The following TRABD2A variants were observed in gnomAD, a reference collection of about 807,000 sequenced individuals.
The protein encoded by TRABD2A is metalloprotease TIKI1.
Under a neutral mutation model 45.6 loss-of-function variants are expected in TRABD2A, and 43 were observed. The ratio of observed to expected loss-of-function variants is 0.94; its 90% CI spans 0.74 to 1.22. The LOEUF is 1.22. Among genes scored for constraint, TRABD2A ranks in the 50% most tolerant of loss-of-function variants. TRABD2A has a pLI of 0.00. For synonymous variants in TRABD2A, 269 were observed against 265.0 expected, an observed-to-expected ratio of 1.02 and a Z score of -0.15; for missense variants, 642 against 652.4, an observed-to-expected ratio of 0.98 and a Z score of 0.17.
At chr2:84,869,835 C>A (rs753788283) in intron 2 of TRABD2A, among the ~76,000 whole-genome samples, 1 of 151,828 alleles carries the variant, frequency 6.6e-6, no homozygotes, top group Non-Finnish European at 1.5e-5. Context: ...AAAAAGTAGT[C>A]GGGCGTGGTA....
chr2:84,845,196 C>G (rs1681841350), intron 2 of TRABD2A, among the ~76,000 whole-genome samples: 3 of 152,010 alleles, frequency 2.0e-5, no homozygotes. Context: ...ACTAAAAATA[C>G]AAAAATTAGC....
chr2:84,824,272 C>T, intron 5 of TRABD2A, 68 bp from the exon 6 acceptor site: 1 of 1,579,692 alleles, frequency 6.3e-7, no homozygotes. Context: ...CCCCAGCTCT[C>T]TTACACCTCA....
chr2:84,862,817 G>T (rs556271537), intron 2 of TRABD2A, among the ~76,000 whole-genome samples: 1 of 152,130 alleles, frequency 6.6e-6, no homozygotes, highest in Non-Finnish European at 1.5e-5. Flanking sequence ...TGTGCCCAGG[G>T]GGAAGCAGAG....
Position 84,821,841 on chromosome 2 carries a change from G to C in TRABD2A, c.*76C>G. 3 of 1,407,220 alleles carry C rather than the reference G, an allele frequency of 2.1e-6. No individual in the cohort carries two copies. The highest frequency in any genetic ancestry group is 2.8e-6 in the Non-Finnish European group (3 of 1,066,520). The allele number at this position is 1,407,220 out of a possible 1,614,324, so 87.2% of individuals were successfully genotyped here. On this transcript the variant is annotated 3_prime_UTR_variant, in exon 7 of 7. Coordinates refer to ENST00000409520, the MANE Select transcript of TRABD2A (RefSeq NM_001277053.2). Reference sequence around the variant, plus strand: ...TTCTGGATTGGGCCCAACAAGGCTAGACCAGAATGTGGAGTACAGGAATGG... The same window carrying C: ...TTCTGGATTGGGCCCAACAAGGCTACACCAGAATGTGGAGTACAGGAATGG...
In TRABD2A at chr2:84,870,615, G is replaced by A. The variant is rs1559098622; in HGVS notation, c.279C>T (p.Pro93=). Residue 93 remains proline, a synonymous_variant, in exon 2 of 7, where the codon CCC becomes CCT. Coordinates refer to ENST00000409520, the MANE Select transcript of TRABD2A (RefSeq NM_001277053.2). Reference sequence around the variant, plus strand: ...AGCTGGTGAGAGCTGAGATGGTATAGGGGTCTGTGAGATCCAACTCAAAGT... The same window carrying A: ...AGCTGGTGAGAGCTGAGATGGTATAAGGGTCTGTGAGATCCAACTCAAAGT... ...IVYFELDLTD[P]YTISALTSCQ... The A allele has an allele frequency of 6.2e-7, 1 of 1,613,348 alleles. No individual in the cohort carries two copies. Among genetic ancestry groups the A allele is most frequent in the Non-Finnish European group, 8.5e-7 (1 of 1,179,630 alleles).
Position 84,880,998 on chromosome 2 carries a change from G to C in TRABD2A, c.42C>G (p.Leu14=). The C allele has an allele frequency of 6.2e-7, 1 of 1,605,980 alleles. No individual in the cohort carries two copies. The highest frequency in any genetic ancestry group is 1.1e-5 in the South Asian group (1 of 89,560). The stretch of plus-strand genomic sequence containing the variant: ...GCCGCGAAGCTGCGCCCGTGGGCAG[G>C]AGGCAGAGGGTCTGCAGCAGGAACC... The part of the protein sequence containing the change: ...WSWFLLQTLC[L]LPTGAASRRG... The change falls in exon 1 of 7, where the codon CTC becomes CTG. Residue 14 remains leucine, a synonymous_variant. Transcript: ENST00000409520.
At chr2:84,823,202 C>T (rs1419560593) in intron 6 of TRABD2A, among the ~76,000 whole-genome samples, 2 of 152,124 alleles carry the variant, frequency 1.3e-5, no homozygotes, top group Non-Finnish European at 2.9e-5. Context: ...AAGTAGTAAC[C>T]TCCAACACAC....
chr2:84,842,741 GA>G (rs1328165108), intron 2 of TRABD2A, among the ~76,000 whole-genome samples: 2 of 147,428 alleles, frequency 1.4e-5, no homozygotes, highest in African/African-American at 5.0e-5. Context: ...AAAAAAAAAA[GA>G]AAAGAAAAGA....
At chr2:84,843,466 G>A (rs1681777968) in intron 2 of TRABD2A, 1 of 152,238 alleles carries the variant, frequency 6.6e-6, no homozygotes, top group Non-Finnish European at 1.5e-5. Context: ...ATGGGCCAAG[G>A]TGGCACAGGC....
Position 84,839,226 on chromosome 2 carries a change from T to C in TRABD2A, c.914A>G (p.Asn305Ser), listed in dbSNP as rs1681623517. ...CTTCACCCGCTTCCCTATTCTCTCATTCCGCTTGTAGATCAGCTCCCGGCG... is the reference window on the plus strand; with the variant it reads ...CTTCACCCGCTTCCCTATTCTCTCACTCCGCTTGTAGATCAGCTCCCGGCG... Reference protein sequence around the residue: ...YLRRELIYKRNERIGKRVKAL... With the variant: ...YLRRELIYKRSERIGKRVKAL... The change falls in exon 4 of 7, where the codon AAT (asparagine) becomes AGT (serine). Residue 305 changes from asparagine (N) to serine (S), a missense_variant. By Grantham distance (46) the Asn-to-Ser change is conservative (BLOSUM62 1). Transcript: ENST00000409520. 3.7e-6 allele frequency: 6 copies of C among 1,613,924 alleles called. No individual in the cohort carries two copies. Among genetic ancestry groups the C allele is most frequent in the Non-Finnish European group, 5.1e-6 (6 of 1,179,874 alleles).
At chr2:84,835,868 G>A (rs1347458695) in intron 4 of TRABD2A, 3 of 152,218 alleles carry the variant, frequency 2.0e-5, no homozygotes, top group African/African-American at 7.2e-5. Flanking sequence ...GAGCCTTCAT[G>A]TCTTAATCAC....
In TRABD2A at chr2:84,823,832, G is replaced by A. The variant is rs534591854; in HGVS notation, c.1334+121C>T. ...ACAGAAAAAGGGTGCCTGGGGTCATGAGGAAAGGGAAAGGTTGCTCCATGA... is the reference window on the plus strand; with the variant it reads ...ACAGAAAAAGGGTGCCTGGGGTCATAAGGAAAGGGAAAGGTTGCTCCATGA... On this transcript the variant is annotated intron_variant, in intron 6 of 6. Coordinates refer to ENST00000409520, the MANE Select transcript of TRABD2A (RefSeq NM_001277053.2). 43 of 1,379,622 alleles carry A rather than the reference G, an allele frequency of 3.1e-5. No homozygotes were observed. In the African/African-American group the frequency reaches 5.4e-4, roughly 17 times the overall value. The allele number at this position is 1,379,622 out of a possible 1,614,324, so 85.5% of individuals were successfully genotyped here. A position where few individuals can be genotyped will look rare whatever the true frequency, so the allele number is the denominator to read the frequency against.
At position 84,880,976 on chromosome 2, in the gene TRABD2A, G is replaced by T. The variant is rs1326163120; in HGVS notation, c.64C>A (p.Arg22=). 6.2e-6 allele frequency: 10 copies of T among 1,603,248 alleles called. No homozygotes were observed. The highest frequency in any genetic ancestry group is 8.5e-6 in the Non-Finnish European group (10 of 1,175,744). The stretch of plus-strand genomic sequence containing the variant: ...TTGGCGGTGCCGGGCGCCCCGCGCC[G>T]CGAAGCTGCGCCCGTGGGCAGGAGG... ...LCLLPTGAAS[R]RGAPGTANCE... is the part of the protein sequence containing the mutation. Residue 22 remains arginine (R), a synonymous_variant, in exon 1 of 7, where the codon CGG becomes AGG. Coordinates refer to ENST00000409520, the MANE Select transcript of TRABD2A (RefSeq NM_001277053.2).
intron 1 of TRABD2A, among the ~76,000 whole-genome samples, chr2:84,877,853 C>A (rs953169754): frequency 6.6e-6 from 1 of 152,194 alleles, no homozygotes; most frequent in African/African-American, 2.4e-5. Context: ...TTCAGCAGAC[C>A]AGCCACAATG....
intron 2 of TRABD2A, among the ~76,000 whole-genome samples, chr2:84,862,665 G>A (rs1682539047): frequency 6.6e-6 from 1 of 152,104 alleles, no homozygotes; most frequent in East Asian, 1.9e-4. Context: ...CAGAGCCAGG[G>A]GAAGGGAGAA....
At chr2:84,838,272 T>C (rs1681587560) in intron 4 of TRABD2A, 1 of 717,032 alleles carries the variant, frequency 1.4e-6, no homozygotes, top group Admixed American at 2.0e-5. Flanking sequence ...ACAGAACAAG[T>C]TAAAATGCCA....
chr2:84,871,204 T>C (rs926805805), intron 1 of TRABD2A, among the ~76,000 whole-genome samples: 4 of 152,202 alleles, frequency 2.6e-5, no homozygotes, highest in African/African-American at 9.7e-5. Context: ...GTGCCATGCC[T>C]GCCCTAGCAA....
At chr2:84,831,989 C>G in intron 5 of TRABD2A, 66 bp downstream of exon 5, 1 of 1,562,486 alleles carries the variant, frequency 6.4e-7, no homozygotes, top group Non-Finnish European at 8.8e-7. Context: ...GCAGCCCACC[C>G]TGGTGCCCAG....
intron 2 of TRABD2A, among the ~76,000 whole-genome samples, chr2:84,858,938 G>A (rs781605643): frequency 2.4e-4 from 36 of 152,114 alleles, no homozygotes; most frequent in Admixed American, 4.6e-4. Context: ...GGCCAGCCAA[G>A]CAACATAGCA....
Sources: allele counts gnomAD v4.1 joint callset (sites outside exome capture counted in the v4.1 genomes callset), GRCh38; gene constraint gnomAD v4.1.1; transcripts MANE v1.5; gene names NCBI Gene and HGNC (gene_info 2026-07-23, HGNC 2026-07-21).